Variants in SLIT3 observed in about 807,000 individuals in gnomAD.
SLIT3 encodes slit guidance ligand 3, also known as slit homolog 3 protein.
A neutral mutation model predicts 184.0 loss-of-function variants in SLIT3; 68 were observed. That is an observed-to-expected ratio of 0.37 (90% CI 0.30 to 0.45). The LOEUF (loss-of-function observed/expected upper bound fraction) is 0.45. Ranked by LOEUF, SLIT3 falls within the 20% of genes least tolerant of loss-of-function variation. SLIT3 has a pLI of 1.00. For synonymous variants in SLIT3, 831 were observed against 828.6 expected, an observed-to-expected ratio of 1.00 and a Z score of -0.05; for missense variants, 1,707 against 2,026.0, an observed-to-expected ratio of 0.84 and a Z score of 3.02.
At chr5:168,933,697 C>T (rs75603254) in intron 4 of SLIT3, among the ~76,000 whole-genome samples, 5,007 of 152,092 alleles carry the variant, frequency 0.033, 263 homozygotes, top group African/African-American at 0.11. Flanking sequence ...TCTCTAGCTC[C>T]GAAGCATTGA....
At chr5:169,286,034 G>C (rs1767140266) in intron 1 of SLIT3, among the ~76,000 whole-genome samples, 1 of 152,154 alleles carries the variant, frequency 6.6e-6, no homozygotes, top group Admixed American at 6.5e-5. Context: ...ATGGCTTTTG[G>C]AGTGATTATT....
intron 6 of SLIT3, among the ~76,000 whole-genome samples, chr5:168,840,611 A>G (rs936138387): frequency 1.3e-5 from 2 of 152,184 alleles, no homozygotes; most frequent in African/African-American, 2.4e-5. Context: ...CAGTCTTGGC[A>G]TATTCAACTG....
intron 4 of SLIT3, among the ~76,000 whole-genome samples, chr5:169,193,062 C>T (rs111772954): frequency 3.5e-4 from 53 of 152,330 alleles, no homozygotes; most frequent in African/African-American, 1.3e-3. Context: ...GGAGCTGCTT[C>T]AACCAGCAAG....
intron 32 of SLIT3, among the ~76,000 whole-genome samples, chr5:168,673,797 G>C (rs550069168): frequency 6.6e-6 from 1 of 152,166 alleles, no homozygotes; most frequent in South Asian, 2.1e-4. Flanking sequence ...TTTCCTTCCA[G>C]TCCAAGATTT....
chr5:169,265,573 A>G (rs993460198), intron 1 of SLIT3, among the ~76,000 whole-genome samples: 3 of 152,202 alleles, frequency 2.0e-5, no homozygotes, highest in Admixed American at 6.5e-5. Flanking sequence ...AGGCCCTAGA[A>G]TCAGATAGCC....
chr5:168,914,253 C>T (rs898641357), intron 4 of SLIT3, among the ~76,000 whole-genome samples: 5 of 152,100 alleles, frequency 3.3e-5, no homozygotes, highest in African/African-American at 9.7e-5. Context: ...AGGGGGTCTC[C>T]GAATTAATTA....
chr5:168,765,924 C>A (rs1003148177), intron 14 of SLIT3, among the ~76,000 whole-genome samples: 1 of 151,520 alleles, frequency 6.6e-6, no homozygotes. Flanking sequence ...CTTTAATAGA[C>A]GGGGGGGTGG....
At chr5:168,688,448 G>T (rs1203353940) in intron 29 of SLIT3, among the ~76,000 whole-genome samples, 5 of 152,172 alleles carry the variant, frequency 3.3e-5, no homozygotes, top group Non-Finnish European at 7.3e-5. Flanking sequence ...CTTTAGGAAT[G>T]GATAGAAGTG....
At chr5:169,253,606 A>T (rs568408573) in intron 1 of SLIT3, among the ~76,000 whole-genome samples, 1 of 152,282 alleles carries the variant, frequency 6.6e-6, no homozygotes, top group Admixed American at 6.5e-5. Context: ...TGAGGGTTAA[A>T]TGAGATGATG....
chr5:168,753,390 T>A (rs112992778), intron 17 of SLIT3, among the ~76,000 whole-genome samples: 7 of 152,362 alleles, frequency 4.6e-5, no homozygotes, highest in African/African-American at 1.4e-4. Context: ...CACACATATT[T>A]CTGGGAAGAG....
chr5:168,739,698 G>A (rs1763559074), intron 20 of SLIT3, among the ~76,000 whole-genome samples: 1 of 151,944 alleles, frequency 6.6e-6, no homozygotes, highest in African/African-American at 2.4e-5. Flanking sequence ...CACCCACCTC[G>A]GCCTCCCAAA....
chr5:169,269,771 T>C (rs557942417), intron 1 of SLIT3, among the ~76,000 whole-genome samples: 3 of 152,382 alleles, frequency 2.0e-5, no homozygotes, highest in East Asian at 1.9e-4. Flanking sequence ...CAAAACTTCA[T>C]GTCCACTCCC....
intron 28 of SLIT3, among the ~76,000 whole-genome samples, chr5:168,694,270 T>C (rs531355410): frequency 9.8e-5 from 15 of 152,290 alleles, no homozygotes; most frequent in African/African-American, 3.6e-4. Context: ...AAGCCTTTGT[T>C]AGAGCCCCAC....
chr5:168,971,274 C>A (rs1427019546), intron 4 of SLIT3, among the ~76,000 whole-genome samples: 8 of 152,200 alleles, frequency 5.3e-5, no homozygotes, highest in Non-Finnish European at 1.0e-4. Flanking sequence ...GTTGTCCCAA[C>A]TGTGGACACG....
intron 20 of SLIT3, among the ~76,000 whole-genome samples, chr5:168,735,786 A>T (rs1001556563): frequency 2.0e-5 from 3 of 151,882 alleles, no homozygotes; most frequent in African/African-American, 4.8e-5. Context: ...CCTCCAGGGT[A>T]GTATTTCTAA....
At chr5:168,763,816 A>C (rs1755240113) in intron 14 of SLIT3, among the ~76,000 whole-genome samples, 1 of 152,228 alleles carries the variant, frequency 6.6e-6, no homozygotes, top group Non-Finnish European at 1.5e-5. Flanking sequence ...AATGCGAGAC[A>C]CAAAACAAGA....
chr5:169,113,945 T>C (rs1022866960), intron 4 of SLIT3, among the ~76,000 whole-genome samples: 3 of 152,196 alleles, frequency 2.0e-5, no homozygotes, highest in Non-Finnish European at 2.9e-5. Flanking sequence ...TAAGCCACTG[T>C]GCATGGCTCA....
At chr5:168,798,226 T>C (rs867782315) in intron 9 of SLIT3, among the ~76,000 whole-genome samples, 20 of 125,292 alleles carry the variant, frequency 1.6e-4, no homozygotes, top group South Asian at 1.3e-3. Context: ...TCTTCTTCTT[T>C]TTTTTTTTTT....
At chr5:168,898,136 A>G (rs1397472156) in intron 4 of SLIT3, among the ~76,000 whole-genome samples, 2 of 151,370 alleles carry the variant, frequency 1.3e-5, no homozygotes, top group Non-Finnish European at 3.0e-5. Context: ...TGCAGAATAT[A>G]TCGATTCCTG....
Sources: gnomAD v4.1 joint callset for allele counts (sites outside exome capture counted in the v4.1 genomes callset) on GRCh38, gnomAD v4.1.1 for gene constraint, MANE v1.5 for transcripts, NCBI Gene and HGNC (gene_info 2026-07-23, HGNC 2026-07-21) for gene names.